Variants in SYT17 observed in about 807,000 individuals in gnomAD.
SYT17 encodes synaptotagmin 17.
A neutral mutation model predicts 46.7 loss-of-function variants in SYT17; 22 were observed. That is an observed-to-expected ratio of 0.47 (90% CI 0.34 to 0.67). The LOEUF (loss-of-function observed/expected upper bound fraction) is 0.67, where lower values mean the gene tolerates loss of function less well. Ranked by LOEUF, SYT17 falls within the 30% of genes least tolerant of loss-of-function variation. The pLI is 0.01. For missense variants in SYT17, 519 were observed against 612.8 expected (o/e 0.85, Z 1.62); for synonymous variants, 251 against 248.4 (o/e 1.01, Z -0.10).
intron 5 of SYT17, among the ~76,000 whole-genome samples, chr16:19,195,954 C>T (rs563757255): frequency 2.6e-4 from 40 of 152,176 alleles, no homozygotes; most frequent in African/African-American, 8.2e-4. Flanking sequence ...CACTGCACTC[C>T]AGCCTGGGTG....
chr16:19,172,539 C>A lies in SYT17; in HGVS notation c.16-221C>A, dbSNP rs192257275. On this transcript the variant is annotated intron_variant, in intron 1 of 7. Coordinates refer to ENST00000355377, the MANE Select transcript of SYT17 (RefSeq NM_016524.4). ...TTCCCATTTATTTGGTGTTGGTTAA[C>A]CAGGAGGCTACCAGCAGCCCTGAAA... 8.7e-6 allele frequency: 13 copies of A among 1,500,856 alleles called. No homozygotes were observed. The African/African-American group carries it at 1.8e-4, about 21-fold the overall frequency. The allele number at this position is 1,500,856 out of a possible 1,614,324, so 93.0% of individuals were successfully genotyped here.
rs551652637 is a variant in SYT17, at chr16:19,172,359, C to T, written c.16-401C>T. 3 of 1,385,772 alleles carry T rather than the reference C, an allele frequency of 2.2e-6. No homozygotes were observed. In the African/African-American group the frequency reaches 4.4e-5, roughly 20 times the overall value. 85.8% of individuals were successfully genotyped at this position (1,385,772 alleles called of 1,614,324 possible). A position where few individuals can be genotyped will look rare whatever the true frequency, so the allele number is the denominator to read the frequency against. ...CACTGTGTGCCTGCCTGCATGTTAG[C>T]TAATCATGTCCTTTTGGGTTGGCTA... On this transcript the variant is annotated intron_variant, in intron 1 of 7. Coordinates refer to ENST00000355377, the MANE Select transcript of SYT17 (RefSeq NM_016524.4).
chr16:19,238,264 G>T (rs8061919), intron 7 of SYT17, among the ~76,000 whole-genome samples: 1 of 152,022 alleles, frequency 6.6e-6, no homozygotes, highest in Non-Finnish European at 1.5e-5. Context: ...TCAGTTCCCA[G>T]CTCACAGGCT....
In SYT17 at chr16:19,173,194, C is replaced by T; in HGVS notation, c.34-236C>T. 7.1e-6 allele frequency: 4 copies of T among 561,950 alleles called. No homozygotes were observed. In the South Asian group the frequency reaches 9.9e-5, roughly 14 times the overall value. The allele number at this position is 561,950 out of a possible 1,614,324, so 34.8% of individuals were successfully genotyped here. A position where few individuals can be genotyped will look rare whatever the true frequency, so the allele number is the denominator to read the frequency against. On this transcript the variant is annotated intron_variant, in intron 2 of 7. Coordinates refer to ENST00000355377, the MANE Select transcript of SYT17 (RefSeq NM_016524.4). ...AAAATACCTGCAAATGTTTTGCTTG[C>T]TACTAACGGCTCCAGCGAGTTGATG...
chr16:19,190,433 C>T (rs1448966144), intron 5 of SYT17, among the ~76,000 whole-genome samples: 1 of 152,074 alleles, frequency 6.6e-6, no homozygotes, highest in Non-Finnish European at 1.5e-5. Context: ...TGAAATTTAC[C>T]GTCTTAACCA....
chr16:19,221,063 G>A (rs1401446726), intron 5 of SYT17, among the ~76,000 whole-genome samples: 1 of 151,888 alleles, frequency 6.6e-6, no homozygotes, highest in Non-Finnish European at 1.5e-5. Flanking sequence ...AGTGGCACAT[G>A]CCGTAATCCC....
chr16:19,185,093 G>A (rs35375892), intron 5 of SYT17, among the ~76,000 whole-genome samples: 26,690 of 151,606 alleles, frequency 0.18, 2,851 homozygotes, highest in South Asian at 0.3. Flanking sequence ...CTCCCTTCCC[G>A]CTTCTCTCTT....
At chr16:19,186,565 T>A (rs942095464) in intron 5 of SYT17, among the ~76,000 whole-genome samples, 4 of 152,244 alleles carry the variant, frequency 2.6e-5, no homozygotes, top group African/African-American at 9.6e-5. Flanking sequence ...ATCTGATTTA[T>A]ACTCTGGTCC....
At chr16:19,245,572 TC>T (rs559983357) in intron 7 of SYT17, among the ~76,000 whole-genome samples, 195 of 152,286 alleles carry the variant, frequency 1.3e-3, no homozygotes, top group African/African-American at 4.6e-3. Flanking sequence ...CTCTCATCAT[TC>T]CCAGTGGCTT....
chr16:19,206,622 A>G (rs229012), intron 5 of SYT17, among the ~76,000 whole-genome samples: 42,313 of 152,042 alleles, frequency 0.28, 6,218 homozygotes, highest in African/African-American at 0.36. Context: ...AGACCTCTAC[A>G]GGAGAAACCA....
At chr16:19,206,045 A>G (rs952091639) in intron 5 of SYT17, among the ~76,000 whole-genome samples, 1 of 152,260 alleles carries the variant, frequency 6.6e-6, no homozygotes, top group African/African-American at 2.4e-5. Context: ...CGTAGGCAGG[A>G]CTAGAACTCA....
intron 7 of SYT17, among the ~76,000 whole-genome samples, chr16:19,255,698 T>C (rs1264100872): frequency 1.3e-5 from 2 of 152,040 alleles, no homozygotes; most frequent in Non-Finnish European, 2.9e-5. Flanking sequence ...GCCAGGAGGA[T>C]CACTTGAGCC....
At chr16:19,220,305 T>TTCTTTTTTTTTC (rs1377192229) in intron 5 of SYT17, among the ~76,000 whole-genome samples, 2 of 126,978 alleles carry the variant, frequency 1.6e-5, no homozygotes, top group Admixed American at 1.6e-4. Flanking sequence ...CTTTCTTTCT[T>TTCTTTTTTTTTC]TTTTTTTTTT....
Position 19,183,099 on chromosome 16 carries a change from G to T in SYT17, c.332-429G>T, listed in dbSNP as rs1000969488. On this transcript the variant is annotated intron_variant, in intron 4 of 7. Coordinates refer to ENST00000355377, the MANE Select transcript of SYT17 (RefSeq NM_016524.4). This position sits in a 1 kb window ranked among gnomAD's most constrained non-coding sequence, Gnocchi z 5.6. Reference sequence around the variant, plus strand: ...CTCACTCTCTTAAAGTGGAGACATCGTAGGATAATGGTTAGAGCCAGACTC... The same window carrying T: ...CTCACTCTCTTAAAGTGGAGACATCTTAGGATAATGGTTAGAGCCAGACTC... Among the ~76,000 whole-genome samples the T allele has an allele frequency of 6.6e-6, 1 of 152,168 alleles. No individual in the cohort carries two copies. The highest frequency in any genetic ancestry group is 2.4e-5 in the African/African-American group (1 of 41,444).
At chr16:19,205,663 G>T (rs571964474) in intron 5 of SYT17, among the ~76,000 whole-genome samples, 1 of 152,108 alleles carries the variant, frequency 6.6e-6, no homozygotes, top group African/African-American at 2.4e-5. Flanking sequence ...TGTATCTTTA[G>T]TAGAGGCAGC....
chr16:19,262,154 C>A (rs1969022212), intron 7 of SYT17, among the ~76,000 whole-genome samples: 1 of 152,174 alleles, frequency 6.6e-6, no homozygotes, highest in Non-Finnish European at 1.5e-5. Flanking sequence ...AGCATACAGA[C>A]CAAAATCAGC....
intron 7 of SYT17, among the ~76,000 whole-genome samples, chr16:19,257,620 C>A (rs550057835): frequency 6.6e-6 from 1 of 152,176 alleles, no homozygotes; most frequent in African/African-American, 2.4e-5. Context: ...AACTCATGAA[C>A]ACCCTGATGA....
intron 7 of SYT17, among the ~76,000 whole-genome samples, chr16:19,240,205 C>T (rs1403479077): frequency 6.6e-6 from 1 of 152,216 alleles, no homozygotes; most frequent in African/African-American, 2.4e-5. Context: ...GTTTGTGTTA[C>T]AGCTCTTTTA....
intron 5 of SYT17, among the ~76,000 whole-genome samples, chr16:19,189,038 C>G (rs1238379231): frequency 6.6e-6 from 1 of 152,152 alleles, no homozygotes; most frequent in Non-Finnish European, 1.5e-5. Flanking sequence ...AGGCGCCCAC[C>G]ACCACGCCCG....
Sources: allele counts gnomAD v4.1 joint callset (sites outside exome capture counted in the v4.1 genomes callset), GRCh38; gene constraint gnomAD v4.1.1; non-coding constraint Gnocchi (gnomAD v3.1); transcripts MANE v1.5; gene names NCBI Gene and HGNC (gene_info 2026-07-23, HGNC 2026-07-21).